Variants in HMCN2 observed in about 807,000 individuals in gnomAD.
HMCN2 encodes the protein hemicentin-2.
A neutral mutation model predicts 377.5 loss-of-function variants in HMCN2; 325 were observed. The ratio of observed to expected loss-of-function variants is 0.86; its 90% CI spans 0.79 to 0.94. The LOEUF (loss-of-function observed/expected upper bound fraction) is 0.94, where lower values mean the gene tolerates loss of function less well. Among genes scored for constraint, HMCN2 ranks in the 40% least tolerant of loss-of-function variants. The pLI, the probability that HMCN2 is intolerant of heterozygous loss-of-function variation, is 0.00. For missense variants in HMCN2, 4,543 were observed against 4,725.3 expected, an observed-to-expected ratio of 0.96 and a Z score of 1.13; for synonymous variants, 2,007 against 2,046.8, an observed-to-expected ratio of 0.98 and a Z score of 0.53.
At chr9:130,339,993 T>C (rs1838962008) in intron 23 of HMCN2, among the ~76,000 whole-genome samples, 1 of 152,200 alleles carries the variant, frequency 6.6e-6, no homozygotes, top group African/African-American at 2.4e-5. Context: ...GCCTGGACCC[T>C]TGGACACTCA....
intron 59 of HMCN2, among the ~76,000 whole-genome samples, chr9:130,385,254 A>G (rs1841959917): frequency 6.6e-6 from 1 of 152,040 alleles, no homozygotes; most frequent in South Asian, 2.1e-4. Context: ...ACGGGCCTCG[A>G]CAGAGAGCTG....
chr9:130,428,308 C>A lies in HMCN2; in HGVS notation c.14066-50C>A. ...GCCGGGCCAGGGTCAGGTGGCGAGG[C>A]ACGCCTGGGGATCATGTTCACACAG... is the stretch of plus-strand genomic sequence containing the variant. On this transcript the variant is annotated intron_variant, in intron 92 of 97. Transcript: ENST00000683500. This position sits in a 1 kb window ranked among gnomAD's most constrained non-coding sequence, Gnocchi z 5.0. 6.8e-7 allele frequency: 1 copy of A among 1,478,832 alleles called. No individual in the cohort carries two copies. The highest frequency in any genetic ancestry group is 9.0e-7 in the Non-Finnish European group (1 of 1,108,450). 91.6% of individuals were successfully genotyped at this position (1,478,832 alleles called of 1,614,324 possible). A position where few individuals can be genotyped will look rare whatever the true frequency, so the allele number is the denominator to read the frequency against.
intron 3 of HMCN2, among the ~76,000 whole-genome samples, chr9:130,285,527 G>A (rs888141147): frequency 6.6e-6 from 1 of 152,216 alleles, no homozygotes; most frequent in African/African-American, 2.4e-5. Context: ...TGTAGGCCCA[G>A]GCCAGGGCTC....
rs1318791216 is a variant in HMCN2 at position 130,433,809 on chromosome 9, C to T, written c.*116C>T. The T allele has an allele frequency of 2.0e-5, 17 of 864,790 alleles. No individual in the cohort carries two copies. The highest frequency in any genetic ancestry group is 2.6e-5 in the Non-Finnish European group (16 of 604,638). The allele number at this position is 864,790 out of a possible 1,614,324, so 53.6% of individuals were successfully genotyped here. A position where few individuals can be genotyped will look rare whatever the true frequency, so the allele number is the denominator to read the frequency against. On this transcript the variant is annotated 3_prime_UTR_variant, in exon 98 of 98. Transcript: ENST00000683500. ...GAGCGTCATCGTCTCCCGCCCCGTGCGTCAGCGAGACCTTGGGTCAACACG... is the reference window on the plus strand; with the variant it reads ...GAGCGTCATCGTCTCCCGCCCCGTGTGTCAGCGAGACCTTGGGTCAACACG...
intron 75 of HMCN2, 66 bp downstream of exon 75, chr9:130,398,773 G>T: frequency 8.1e-7 from 1 of 1,230,044 alleles, no homozygotes; most frequent in Non-Finnish European, 1.1e-6. Flanking sequence ...CTCTTCTCAC[G>T]GGGGCATGGG....
chr9:130,371,153 G>A, intron 46 of HMCN2, 22 bp downstream of exon 46: 2 of 985,662 alleles, frequency 2.0e-6, no homozygotes, highest in African/African-American at 3.5e-5. Flanking sequence ...GCTAAGGTTG[G>A]ATCCTGGGAA....
Position 130,422,485 on chromosome 9 carries a change from A to T in HMCN2, c.13232-92A>T, listed in dbSNP as rs994404224. On this transcript the variant is annotated intron_variant, in intron 86 of 97. Transcript: ENST00000683500. The surrounding 1 kb of genome is among the most constrained non-coding windows in gnomAD (Gnocchi z 4.2). ...AGGTGAACTCTCCGAGCCTCCATTT[A>T]CTCCTTCACGAAATGGGAATGACAG... The T allele has an allele frequency of 3.9e-6, 4 of 1,026,290 alleles. No individual in the cohort carries two copies. The African/African-American group carries it at 5.0e-5, about 13-fold the overall frequency. The allele number at this position is 1,026,290 out of a possible 1,614,324, so 63.6% of individuals were successfully genotyped here. A position where few individuals can be genotyped will look rare whatever the true frequency, so the allele number is the denominator to read the frequency against.
rs1308056589 is a variant in HMCN2, at chr9:130,272,472, C to A, written c.259+6335C>A. On this transcript the variant is annotated intron_variant, in intron 1 of 97. Coordinates refer to ENST00000683500, the MANE Select transcript of HMCN2 (RefSeq NM_001291815.2). ...GCCAGGCTGGTCTTGAACTCCTGAC[C>A]TCAAAGGATCCTCCTGCCTTGGCCT... is the stretch of plus-strand genomic sequence containing the variant. Among the ~76,000 whole-genome samples, 4 of 151,780 alleles carry A rather than the reference C, an allele frequency of 2.6e-5. 1 individual carries two copies. Among genetic ancestry groups the A allele is most frequent in the Admixed American group, 2.6e-4 (4 of 15,226 alleles).
chr9:130,417,118 G>A (rs1182759752), intron 85 of HMCN2, among the ~76,000 whole-genome samples: 1 of 151,282 alleles, frequency 6.6e-6, no homozygotes, highest in East Asian at 1.9e-4. Context: ...TCACCATGTT[G>A]GCCAGGCTCT....
chr9:130,430,463 C>T lies in HMCN2; in HGVS notation c.14506C>T (p.Pro4836Ser). The change falls in exon 95 of 98, where the codon CCC (proline) becomes TCC (serine). Residue 4836 changes from proline (P) to serine (S), a missense_variant. Physicochemically the swap from Pro to Ser is moderately conservative, Grantham distance 74. Coordinates refer to ENST00000683500, the MANE Select transcript of HMCN2 (RefSeq NM_001291815.2). ...CGTCAGCCACCGAGGCCCTCTATTG[C>T]CCTGGCTGCGGCCCTGGGCCTCGAT... ...TTVSHRGPLLPWLRPWASIPG... is the reference protein window; with the variant it reads ...TTVSHRGPLLSWLRPWASIPG... 1 of 1,550,594 alleles carries T rather than the reference C, an allele frequency of 6.4e-7. No individual in the cohort carries two copies. Among genetic ancestry groups the T allele is most frequent in the Non-Finnish European group, 8.7e-7 (1 of 1,146,974 alleles).
intron 85 of HMCN2, among the ~76,000 whole-genome samples, chr9:130,413,755 A>G (rs188403344): frequency 1.3e-5 from 2 of 152,046 alleles, no homozygotes; most frequent in African/African-American, 2.4e-5. Flanking sequence ...ACACACACGC[A>G]CACACACACA....
rs1840385395 is a variant in HMCN2, at chr9:130,361,515, T to C, written c.5951-493T>C. The stretch of plus-strand genomic sequence containing the variant: ...CATGGGCCATGGGAGAGGTTGGTTC[T>C]AAGAGCAGTGGGTAGCTGGGCAGAG... On this transcript the variant is annotated intron_variant, in intron 38 of 97. Transcript: ENST00000683500. This position sits in a 1 kb window ranked among gnomAD's most constrained non-coding sequence, Gnocchi z 4.8. Among the ~76,000 whole-genome samples the C allele has an allele frequency of 1.3e-5, 2 of 152,174 alleles. No homozygotes were observed. Among genetic ancestry groups the C allele is most frequent in the Admixed American group, 1.3e-4 (2 of 15,276 alleles).
rs746545190 is a variant in HMCN2, at chr9:130,356,105, G to A, written c.5273G>A (p.Arg1758His). 24 of 1,289,474 alleles carry A rather than the reference G, an allele frequency of 1.9e-5. No individual in the cohort carries two copies. The highest frequency in any genetic ancestry group is 1.1e-4 in the East Asian group (2 of 17,956). The allele number at this position is 1,289,474 out of a possible 1,614,324, so 79.9% of individuals were successfully genotyped here. The change falls in exon 34 of 98, where the codon CGC (arginine) becomes CAC (histidine). Residue 1758 changes from arginine (R) to histidine (H), a missense_variant. By Grantham distance (29) the Arg-to-His change is conservative. Coordinates refer to ENST00000683500, the MANE Select transcript of HMCN2 (RefSeq NM_001291815.2). ...VPTIQWLQNG[R>H]PAEELAGVQV... ...CACCTTAGGTGGCTGCAGAATGGCC[G>A]CCCAGCCGAGGAGCTGGCTGGGGTG...
intron 1 of HMCN2, among the ~76,000 whole-genome samples, chr9:130,280,976 G>A (rs1309145211): frequency 1.3e-5 from 2 of 151,876 alleles, no homozygotes; most frequent in Non-Finnish European, 1.5e-5. Flanking sequence ...GGTGACAGGC[G>A]CCTGTAATCC....
At position 130,295,681 on chromosome 9, in the gene HMCN2, A is replaced by T. The variant is rs1410365740; in HGVS notation, c.800A>T (p.Glu267Val). The change falls in exon 6 of 98, where the codon GAG (glutamate) becomes GTG (valine). Residue 267 changes from glutamate (E) to valine (V), a missense_variant. By Grantham distance (121) the Glu-to-Val change is moderately radical. Transcript: ENST00000683500. ...GCTTCCACAGGGAGGATCCTGCAGGAGGACGAGGGCCTCAACGTGCTTCTC... is the reference window on the plus strand; with the variant it reads ...GCTTCCACAGGGAGGATCCTGCAGGTGGACGAGGGCCTCAACGTGCTTCTC... ...VQDPLGRILQ[E>V]DEGLNVLLNI... 5.1e-5 allele frequency: 24 copies of T among 470,856 alleles called. No homozygotes were observed. Among genetic ancestry groups the T allele is most frequent in the Non-Finnish European group, 7.5e-5 (17 of 227,016 alleles). The allele number at this position is 470,856 out of a possible 1,614,324, so 29.2% of individuals were successfully genotyped here.
chr9:130,323,054 G>A (rs917403886), intron 19 of HMCN2, among the ~76,000 whole-genome samples: 68 of 152,124 alleles, frequency 4.5e-4, no homozygotes, highest in Non-Finnish European at 9.0e-4. Flanking sequence ...GCCATCCAGG[G>A]TGGAGTGTGT....
At chr9:130,346,045 A>T (rs912626684) in intron 25 of HMCN2, among the ~76,000 whole-genome samples, 17,929 of 152,054 alleles carry the variant, frequency 0.12, 1,149 homozygotes, top group East Asian at 0.18. Context: ...TTCTGATGAT[A>T]ATCAGTGTTA....
Position 130,347,921 on chromosome 9 carries a change from G to A in HMCN2, c.4024+561G>A, listed in dbSNP as rs28970815. On this transcript the variant is annotated intron_variant, in intron 26 of 97. Coordinates refer to ENST00000683500, the MANE Select transcript of HMCN2 (RefSeq NM_001291815.2). The surrounding 1 kb of genome is among the most constrained non-coding windows in gnomAD (Gnocchi z 5.1). ...GTGCAGAGCCCCAGAGCCCACCTCC[G>A]GGTTAAAACTGTTACCCCTGGTCTC... The A allele has an allele frequency of 8.2e-6, 7 of 855,712 alleles. No individual in the cohort carries two copies. Among genetic ancestry groups the A allele is most frequent in the African/African-American group, 7.4e-5 (4 of 54,414 alleles). 53.0% of individuals were successfully genotyped at this position (855,712 alleles called of 1,614,324 possible).
chr9:130,349,891 T>A (rs1839608249), intron 29 of HMCN2, among the ~76,000 whole-genome samples: 2 of 127,794 alleles, frequency 1.6e-5, no homozygotes, highest in Non-Finnish European at 3.4e-5. Flanking sequence ...GCCTTTCCTT[T>A]TTTTTTTTTT....
Sources: gnomAD v4.1 joint callset for allele counts (sites outside exome capture counted in the v4.1 genomes callset) on GRCh38, gnomAD v4.1.1 for gene constraint, Gnocchi (gnomAD v3.1) non-coding constraint, MANE v1.5 for transcripts, NCBI Gene and HGNC (gene_info 2026-07-23, HGNC 2026-07-21) for gene names.